KIF1B: variants seen among roughly 807,000 people sequenced by gnomAD.
KIF1B encodes kinesin family member 1B.
Under a neutral mutation model 241.9 loss-of-function variants are expected in KIF1B, and 76 were observed. The ratio of observed to expected loss-of-function variants is 0.31; its 90% CI spans 0.26 to 0.38. The LOEUF (loss-of-function observed/expected upper bound fraction) is 0.38, where lower values mean the gene tolerates loss of function less well. Ranked by LOEUF, KIF1B falls within the 10% of genes least tolerant of loss-of-function variation. The probability of loss-of-function intolerance (pLI) is 1.00; values close to 1 mark genes in which losing one functional copy is unlikely to be tolerated. For synonymous variants in KIF1B, 750 were observed against 796.7 expected, an observed-to-expected ratio of 0.94 and a Z score of 0.99; for missense variants, 1,622 against 2,271.4, an observed-to-expected ratio of 0.71 and a Z score of 5.81.
At position 10,321,866 on chromosome 1, in the gene KIF1B, C is replaced by T. The variant is rs1651536955; in HGVS notation, c.2358+9C>T. On this transcript the variant is annotated intron_variant, in intron 24 of 48. Coordinates refer to ENST00000676179, the MANE Select transcript of KIF1B (RefSeq NM_001365951.3). ...TGGAACTGAAAAAGAAGGTATGGAG[C>T]AGGAGGACACAGGAGAGCTGGAGGC... 1 of 1,613,998 alleles carries T rather than the reference C, an allele frequency of 6.2e-7. No individual in the cohort carries two copies. Among genetic ancestry groups the T allele is most frequent in the South Asian group, 1.1e-5 (1 of 91,064 alleles).
At position 10,294,224 on chromosome 1, in the gene KIF1B, A is replaced by T. The variant is rs568483738; in HGVS notation, c.1591-862A>T. ...TTTCACTAAAGAAGGTTGGTTTTTT[A>T]AAAAGATTTTAGAAATATTAGAGTT... On this transcript the variant is annotated intron_variant, in intron 17 of 48. Coordinates refer to ENST00000676179, the MANE Select transcript of KIF1B (RefSeq NM_001365951.3). Among the ~76,000 whole-genome samples the T allele has an allele frequency of 2.6e-5, 4 of 152,304 alleles. No homozygotes were observed. In the South Asian group the frequency reaches 8.3e-4, roughly 32 times the overall value.
chr1:10,349,048 C>G (rs565282665), intron 37 of KIF1B, among the ~76,000 whole-genome samples: 1 of 152,178 alleles, frequency 6.6e-6, no homozygotes. Context: ...CTCTGTATTC[C>G]TGTTTCTTCG....
At chr1:10,304,174 A>G (rs1650696668) in intron 22 of KIF1B, 1 of 1,614,178 alleles carries the variant, frequency 6.2e-7, no homozygotes, top group Non-Finnish European at 8.5e-7. Context: ...CGATGAAGCA[A>G]GGAAAGGGAA....
intron 27 of KIF1B, among the ~76,000 whole-genome samples, chr1:10,331,094 CAAA>C (rs57812252): frequency 6.2e-5 from 8 of 129,020 alleles, no homozygotes; most frequent in African/African-American, 8.2e-5. Context: ...AACCCCACCT[CAAA>C]AAAAAAAAAA....
chr1:10,280,720 A>G (rs555372148), intron 14 of KIF1B, among the ~76,000 whole-genome samples: 1 of 152,230 alleles, frequency 6.6e-6, no homozygotes, highest in Non-Finnish European at 1.5e-5. Context: ...CCAAAGCTCA[A>G]CGATACTGGT....
At chr1:10,216,341 A>G (rs1169450830) in intron 1 of KIF1B, among the ~76,000 whole-genome samples, 2 of 152,182 alleles carry the variant, frequency 1.3e-5, no homozygotes, top group Non-Finnish European at 1.5e-5. Flanking sequence ...TTTCACTTTC[A>G]TAATCACTTT....
rs77444333 is a variant in KIF1B at position 10,321,448 on chromosome 1, A to T, written c.2210-261A>T. 0.11 allele frequency among the ~76,000 whole-genome samples: 16,469 copies of T among 151,820 alleles called. 1,151 individuals carry two copies. The highest frequency in any genetic ancestry group is 0.16 in the Non-Finnish European group (10,911 of 67,898). On this transcript the variant is annotated intron_variant, in intron 23 of 48. Coordinates refer to ENST00000676179, the MANE Select transcript of KIF1B (RefSeq NM_001365951.3). ...GTGGCCACATGTTATACCTTTTTTT[A>T]AAAAAAAGAAAAATTTATTTCTTTG...
intron 35 of KIF1B, among the ~76,000 whole-genome samples, chr1:10,346,761 T>C (rs1652605333): frequency 6.6e-6 from 1 of 152,238 alleles, no homozygotes; most frequent in Non-Finnish European, 1.5e-5. Context: ...ACATTACTGA[T>C]GTCAAGGAGG....
At chr1:10,340,711 G>A (rs532308130) in intron 32 of KIF1B, among the ~76,000 whole-genome samples, 14 of 152,136 alleles carry the variant, frequency 9.2e-5, no homozygotes, top group East Asian at 1.9e-4. Flanking sequence ...AGGATGGGGG[G>A]GTTGCAGTGA....
intron 4 of KIF1B, among the ~76,000 whole-genome samples, chr1:10,259,048 T>C (rs768254409): frequency 6.6e-5 from 10 of 152,278 alleles, no homozygotes; most frequent in Non-Finnish European, 1.5e-4. Context: ...CTGAAGAATG[T>C]GATTATTTTT....
chr1:10,326,085 T>G lies in KIF1B; in HGVS notation c.2676-26T>G. Reference sequence around the variant, plus strand: ...ACTATTCCTCTCTCCCTGGCTGTGTTAATTGGCGTCTTACCTGGTGTCTAG... The same window carrying G: ...ACTATTCCTCTCTCCCTGGCTGTGTGAATTGGCGTCTTACCTGGTGTCTAG... On this transcript the variant is annotated intron_variant, in intron 26 of 48. Coordinates refer to ENST00000676179, the MANE Select transcript of KIF1B (RefSeq NM_001365951.3). The surrounding 1 kb of genome is among the most constrained non-coding windows in gnomAD (Gnocchi z 5.2). 1.2e-6 allele frequency: 2 copies of G among 1,613,638 alleles called. No homozygotes were observed. The highest frequency in any genetic ancestry group is 1.7e-6 in the Non-Finnish European group (2 of 1,180,024).
intron 33 of KIF1B, 129 bp downstream of exon 33, chr1:10,342,297 T>G: frequency 1.4e-6 from 1 of 738,382 alleles, no homozygotes; most frequent in South Asian, 1.5e-5. Context: ...CCCTGTTTCC[T>G]CTTTAGAAAC....
intron 2 of KIF1B, among the ~76,000 whole-genome samples, chr1:10,233,710 C>CTTTTTTTTTTT (rs61200537): frequency 1.4e-5 from 2 of 142,646 alleles, no homozygotes; most frequent in Non-Finnish European, 3.0e-5. Context: ...CTCAATAAAG[C>CTTTTTTTTTTT]TTTTTTTTTT....
At position 10,315,175 on chromosome 1, in the gene KIF1B, T is replaced by TC. The variant is rs1269241997; in HGVS notation, c.2116-4868_2116-4867insC. Among the ~76,000 whole-genome samples the TC allele has an allele frequency of 6.8e-4, 96 of 140,880 alleles. 1 individual carries two copies. In the South Asian group the frequency reaches 0.022, roughly 32 times the overall value. The allele number at this position is 140,880 out of a possible 152,430, so 92.4% of individuals were successfully genotyped here. A position where few individuals can be genotyped will look rare whatever the true frequency, so the allele number is the denominator to read the frequency against. On this transcript the variant is annotated intron_variant, in intron 22 of 48. Coordinates refer to ENST00000676179, the MANE Select transcript of KIF1B (RefSeq NM_001365951.3). ...TCTCTTAAAATCAAGAATATTCTTT[T>TC]TTTTTTTTTTTTTTTTTTTTTTAAG... is the stretch of plus-strand genomic sequence containing the variant.
At chr1:10,342,762 T>C (rs1434237273) in intron 33 of KIF1B, among the ~76,000 whole-genome samples, 1 of 152,226 alleles carries the variant, frequency 6.6e-6, no homozygotes, top group African/African-American at 2.4e-5. Flanking sequence ...CTTTGTAGTC[T>C]TTTTCTTTCT....
chr1:10,304,666 T>G (rs778139205), intron 22 of KIF1B: 1 of 1,613,274 alleles, frequency 6.2e-7, no homozygotes, highest in African/African-American at 1.3e-5. Flanking sequence ...CTGGACAAAC[T>G]TGAAATCATG....
chr1:10,377,460 C>A lies in KIF1B; in HGVS notation c.*873C>A. 1 of 226,720 alleles carries A rather than the reference C, an allele frequency of 4.4e-6. No individual in the cohort carries two copies. Among genetic ancestry groups the A allele is most frequent in the Non-Finnish European group, 8.8e-6 (1 of 113,956 alleles). 14.0% of individuals were successfully genotyped at this position (226,720 alleles called of 1,614,324 possible). A position where few individuals can be genotyped will look rare whatever the true frequency, so the allele number is the denominator to read the frequency against. Reference sequence around the variant, plus strand: ...GCTTGTAGCTCCTCACAGCAGGATTCCTGCCCACTGTTTTTTCTCTGTTGG... The same window carrying A: ...GCTTGTAGCTCCTCACAGCAGGATTACTGCCCACTGTTTTTTCTCTGTTGG... On this transcript the variant is annotated 3_prime_UTR_variant, in exon 49 of 49. Coordinates refer to ENST00000676179, the MANE Select transcript of KIF1B (RefSeq NM_001365951.3).
intron 1 of KIF1B, among the ~76,000 whole-genome samples, chr1:10,211,416 C>T (rs2102075671): frequency 6.6e-6 from 1 of 152,286 alleles, no homozygotes; most frequent in South Asian, 2.1e-4. Flanking sequence ...AGGGAGGGGG[C>T]TTGTTGGATG....
chr1:10,334,382 A>C (rs1652082079), intron 27 of KIF1B, 138 bp from the exon 28 acceptor site: 10 of 757,476 alleles, frequency 1.3e-5, no homozygotes, highest in East Asian at 5.1e-5. Context: ...CAAATCTGAG[A>C]GGCTAGGACT....
Sources: allele counts gnomAD v4.1 joint callset (sites outside exome capture counted in the v4.1 genomes callset), GRCh38; gene constraint gnomAD v4.1.1; non-coding constraint Gnocchi (gnomAD v3.1); transcripts MANE v1.5; gene names NCBI Gene and HGNC (gene_info 2026-07-23, HGNC 2026-07-21).